Variants in PTPRD observed in about 807,000 individuals in gnomAD.
PTPRD encodes receptor-type tyrosine-protein phosphatase delta.
PTPRD carries 34 observed loss-of-function variants against 214.5 expected under a neutral mutation model. That is an observed-to-expected ratio of 0.16 (90% CI 0.12 to 0.21). The LOEUF is 0.21. PTPRD is among the 10% of genes least tolerant of loss of function. The pLI is 1.00. For synonymous variants in PTPRD, 1,128 were observed against 845.7 expected (o/e 1.33, Z -5.79); for missense variants, 2,545 against 2,398.7 (o/e 1.06, Z -1.27).
intron 14 of PTPRD, among the ~76,000 whole-genome samples, chr9:8,538,491 A>G (rs1377979423): frequency 6.6e-6 from 1 of 151,760 alleles, no homozygotes; most frequent in Non-Finnish European, 1.5e-5. Context: ...TTTGGTAAAT[A>G]TAAGTATATA....
chr9:9,332,195 T>A (rs1290967572), intron 9 of PTPRD, among the ~76,000 whole-genome samples: 1 of 152,162 alleles, frequency 6.6e-6, no homozygotes, highest in Middle Eastern at 3.4e-3. Context: ...CAGTCATTTA[T>A]GTGCTTGCTT....
intron 3 of PTPRD, among the ~76,000 whole-genome samples, chr9:10,142,944 C>T (rs2098996657): frequency 6.6e-6 from 1 of 151,402 alleles, no homozygotes; most frequent in South Asian, 2.1e-4. Context: ...ACTATGCAGC[C>T]ATAAAAAATG....
chr9:9,045,068 C>T (rs2099667844), intron 10 of PTPRD, among the ~76,000 whole-genome samples: 1 of 152,030 alleles, frequency 6.6e-6, no homozygotes, highest in Non-Finnish European at 1.5e-5. Flanking sequence ...GTTAAAGAAA[C>T]ATGATTGTCA....
chr9:9,665,395 G>T (rs1554805694), intron 7 of PTPRD, among the ~76,000 whole-genome samples: 2 of 151,702 alleles, frequency 1.3e-5, no homozygotes, highest in Non-Finnish European at 3.0e-5. Context: ...CAAAATAGAT[G>T]TTTTTTATTT....
At chr9:9,277,478 A>T (rs1946108105) in intron 9 of PTPRD, among the ~76,000 whole-genome samples, 1 of 151,566 alleles carries the variant, frequency 6.6e-6, no homozygotes. Flanking sequence ...TAAATAAAAA[A>T]GTCTGTTAAC....
intron 5 of PTPRD, among the ~76,000 whole-genome samples, chr9:9,934,374 TA>T (rs1259955337): frequency 4.8e-5 from 7 of 147,344 alleles, no homozygotes; most frequent in East Asian, 2.1e-4. Flanking sequence ...ATAGATGCAA[TA>T]AAAAATGATA....
chr9:10,566,186 T>G (rs190670722), intron 2 of PTPRD, among the ~76,000 whole-genome samples: 59 of 152,144 alleles, frequency 3.9e-4, no homozygotes, highest in Middle Eastern at 6.8e-3. Context: ...TTGTGAGCAC[T>G]TGTGCCTTTC....
intron 3 of PTPRD, among the ~76,000 whole-genome samples, chr9:10,136,283 G>C (rs917300759): frequency 6.6e-6 from 1 of 152,058 alleles, no homozygotes; most frequent in African/African-American, 2.4e-5. Flanking sequence ...CACAAGAATA[G>C]TGGGGGACTT....
intron 2 of PTPRD, among the ~76,000 whole-genome samples, chr9:10,360,399 T>C (rs977153704): frequency 6.6e-6 from 1 of 152,252 alleles, no homozygotes; most frequent in Non-Finnish European, 1.5e-5. Context: ...ATGCCATTGC[T>C]AGCCATTCTG....
At chr9:9,423,566 C>G (rs79736765) in intron 8 of PTPRD, among the ~76,000 whole-genome samples, 1,650 of 152,186 alleles carry the variant, frequency 0.011, 30 homozygotes, top group East Asian at 0.061. Context: ...TAAGAGACAA[C>G]AGAAACATAC....
intron 3 of PTPRD, among the ~76,000 whole-genome samples, chr9:10,152,298 T>G (rs1489704149): frequency 6.6e-6 from 1 of 152,170 alleles, no homozygotes; most frequent in Non-Finnish European, 1.5e-5. Context: ...CTTTTTTATG[T>G]GGTTATATAT....
chr9:10,298,608 T>C (rs1240521897), intron 3 of PTPRD, among the ~76,000 whole-genome samples: 1 of 152,072 alleles, frequency 6.6e-6, no homozygotes, highest in Non-Finnish European at 1.5e-5. Context: ...AATGTGAAGA[T>C]ATAGACAAAA....
At chr9:8,985,216 C>A (rs1272854631) in intron 11 of PTPRD, among the ~76,000 whole-genome samples, 1 of 151,864 alleles carries the variant, frequency 6.6e-6, no homozygotes, top group Non-Finnish European at 1.5e-5. Flanking sequence ...ATCTTACATA[C>A]CAAGGATATA....
At chr9:8,728,063 T>C (rs1255318038) in intron 12 of PTPRD, among the ~76,000 whole-genome samples, 1 of 151,782 alleles carries the variant, frequency 6.6e-6, no homozygotes, top group African/African-American at 2.4e-5. Flanking sequence ...GCCTGACCAA[T>C]ATGGAGAAAC....
chr9:10,399,438 A>T lies in PTPRD; in HGVS notation c.-599-58421T>A, dbSNP rs189870161. On this transcript the variant is annotated intron_variant, in intron 2 of 45. Coordinates refer to ENST00000381196, the MANE Select transcript of PTPRD (RefSeq NM_002839.4). ...ATTCAAAAAAATCCAAAACATTTTC[A>T]TAAGTGTTATTTAATACAACAAACA... Among the ~76,000 whole-genome samples the T allele has an allele frequency of 5.3e-5, 8 of 152,142 alleles. No homozygotes were observed. In the South Asian group the frequency reaches 1.7e-3, roughly 31 times the overall value.
rs139029986 is a variant in PTPRD at position 8,500,797 on chromosome 9, A to G, written c.2085T>C (p.Pro695=). 6 of 1,614,042 alleles carry G rather than the reference A, an allele frequency of 3.7e-6. No individual in the cohort carries two copies. Among genetic ancestry groups the G allele is most frequent in the Admixed American group, 3.3e-5 (2 of 60,002 alleles). Residue 695 remains proline (P), a synonymous_variant, in exon 24 of 46, where the codon CCT becomes CCC. Coordinates refer to ENST00000381196, the MANE Select transcript of PTPRD (RefSeq NM_002839.4). ...TCAACACGGACAAGCTCTCAGGGCCAGGGCCGACATCTGTATGGGCTGTCA... is the reference window on the plus strand; with the variant it reads ...TCAACACGGACAAGCTCTCAGGGCCGGGGCCGACATCTGTATGGGCTGTCA... The part of the protein sequence containing the change: ...ITVTAHTDVG[P]GPESLSVLIR...
At chr9:9,572,221 A>C (rs968299776) in intron 8 of PTPRD, among the ~76,000 whole-genome samples, 1 of 151,400 alleles carries the variant, frequency 6.6e-6, no homozygotes, top group Non-Finnish European at 1.5e-5. Flanking sequence ...AGGAAAAATA[A>C]AGCCATTATT....
intron 8 of PTPRD, among the ~76,000 whole-genome samples, chr9:9,467,588 C>CAAAAAAAAAGAAAAAAAAA (rs2094288624): frequency 1.8e-5 from 1 of 55,954 alleles, no homozygotes; most frequent in Non-Finnish European, 3.2e-5. Context: ...CTCCATCTCC[C>CAAAAAAAAAGAAAAAAAAA]AAAAAAAAAA....
intron 2 of PTPRD, among the ~76,000 whole-genome samples, chr9:10,484,039 G>C (rs978064753): frequency 6.6e-6 from 1 of 152,052 alleles, no homozygotes; most frequent in African/African-American, 2.4e-5. Context: ...AACAACCAGT[G>C]AATGAATATA....
Sources: gnomAD v4.1 joint callset for allele counts (sites outside exome capture counted in the v4.1 genomes callset) on GRCh38, gnomAD v4.1.1 for gene constraint, MANE v1.5 for transcripts, NCBI Gene and HGNC (gene_info 2026-07-23, HGNC 2026-07-21) for gene names.